Variants in LPIN1 observed in about 807,000 individuals in gnomAD.
LPIN1 encodes phosphatidate phosphatase LPIN1.
Under a neutral mutation model 107.5 loss-of-function variants are expected in LPIN1, and 71 were observed. The ratio of observed to expected loss-of-function variants is 0.66; its 90% confidence interval spans 0.55 to 0.80. The LOEUF is 0.80. LPIN1 is among the 30% of genes least tolerant of loss of function. The pLI is 0.00. For synonymous variants in LPIN1, 445 were observed against 452.6 expected, an observed-to-expected ratio of 0.98 and a Z score of 0.21; for missense variants, 1,043 against 1,160.6, an observed-to-expected ratio of 0.90 and a Z score of 1.47.
At chr2:11,750,093 C>T (rs184216359) in intron 1 of LPIN1, among the ~76,000 whole-genome samples, 118 of 152,316 alleles carry the variant, frequency 7.7e-4, no homozygotes, top group African/African-American at 2.8e-3. Flanking sequence ...CTCCCCTCCC[C>T]GGCCTCGCTC....
chr2:11,681,931 G>A (rs1032242480), intron 1 of LPIN1, among the ~76,000 whole-genome samples: 1 of 152,180 alleles, frequency 6.6e-6, no homozygotes, highest in Non-Finnish European at 1.5e-5. Context: ...GACGGTGGCC[G>A]GGTGTGGAGA....
At chr2:11,785,519 C>T (rs1674405190) in intron 10 of LPIN1, among the ~76,000 whole-genome samples, 1 of 152,196 alleles carries the variant, frequency 6.6e-6, no homozygotes, top group African/African-American at 2.4e-5. Context: ...ATTCACAGCA[C>T]CTGCCACATT....
intron 1 of LPIN1, among the ~76,000 whole-genome samples, chr2:11,725,636 A>T (rs750444944): frequency 1.3e-5 from 2 of 152,198 alleles, no homozygotes; most frequent in Non-Finnish European, 2.9e-5. Flanking sequence ...GCAAACACAC[A>T]TTTATAGGAA....
chr2:11,683,677 A>G (rs776326036), intron 1 of LPIN1, among the ~76,000 whole-genome samples: 3 of 152,150 alleles, frequency 2.0e-5, no homozygotes, highest in Admixed American at 6.5e-5. Flanking sequence ...CTTCCCCCCA[A>G]TGCTGTGGTC....
At chr2:11,722,205 C>G (rs1323253306), upstream of LPIN1, 1 of 152,214 alleles carries the variant, frequency 6.6e-6, no homozygotes, top group Non-Finnish European at 1.5e-5. Flanking sequence ...CTGACTTACT[C>G]ATAGGTCCTT....
upstream of LPIN1, chr2:11,722,073 TATGGCTGG>T (rs1664188939): frequency 6.6e-6 from 1 of 152,246 alleles, no homozygotes; most frequent in Middle Eastern, 3.2e-3. Flanking sequence ...TTCATTGATT[TATGGCTGG>T]ATGGAGCATT....
At chr2:11,777,025 CA>C (rs1672778272) in intron 6 of LPIN1, among the ~76,000 whole-genome samples, 1 of 152,168 alleles carries the variant, frequency 6.6e-6, no homozygotes, top group Non-Finnish European at 1.5e-5. Flanking sequence ...TTGGGACTGG[CA>C]AAAATACTGA....
upstream of LPIN1, among the ~76,000 whole-genome samples, chr2:11,719,955 G>A (rs867861150): frequency 3.3e-5 from 5 of 151,978 alleles, no homozygotes; most frequent in Admixed American, 2.0e-4. Flanking sequence ...TTGTATGAAT[G>A]GTGCATTTTG....
intron 1 of LPIN1, among the ~76,000 whole-genome samples, chr2:11,695,904 C>A (rs1662549064): frequency 6.6e-6 from 1 of 152,026 alleles, no homozygotes; most frequent in Non-Finnish European, 1.5e-5. Context: ...ATTTTTTTGA[C>A]CACTATAAAT....
chr2:11,760,008 C>T (rs571429117), intron 1 of LPIN1, among the ~76,000 whole-genome samples: 15 of 136,024 alleles, frequency 1.1e-4, no homozygotes, highest in South Asian at 2.4e-4. Context: ...TCAGACGGGG[C>T]GGCCGGGCAG....
chr2:11,776,272 C>T, intron 6 of LPIN1, 79 bp downstream of exon 6: 2 of 847,734 alleles, frequency 2.4e-6, no homozygotes, highest in Non-Finnish European at 3.6e-6. Flanking sequence ...GTCTATTTTA[C>T]CATTAACCAA....
chr2:11,779,701 A>G (rs575107678), intron 7 of LPIN1, 56 bp downstream of exon 7: 3 of 1,609,338 alleles, frequency 1.9e-6, no homozygotes, highest in African/African-American at 2.7e-5. Flanking sequence ...AGCTTAAATT[A>G]CATGGAATTA....
upstream of LPIN1, among the ~76,000 whole-genome samples, chr2:11,746,358 G>A (rs767066148): frequency 6.6e-6 from 1 of 152,178 alleles, no homozygotes; most frequent in Non-Finnish European, 1.5e-5. Flanking sequence ...CCAGTCATCG[G>A]CATAGGTCAA....
intron 1 of LPIN1, among the ~76,000 whole-genome samples, chr2:11,683,754 GT>G (rs960414934): frequency 2.0e-5 from 3 of 152,194 alleles, no homozygotes; most frequent in Admixed American, 6.5e-5. Flanking sequence ...GACGGCTGGT[GT>G]TTATGTGAAC....
chr2:11,702,444 A>C (rs1260964849), intron 1 of LPIN1, among the ~76,000 whole-genome samples: 2 of 152,066 alleles, frequency 1.3e-5, no homozygotes. Flanking sequence ...TGAAAGGTGC[A>C]CTCACAGACA....
In LPIN1 at chr2:11,803,078, G is replaced by T; in HGVS notation, c.2013+45G>T. 6.2e-7 allele frequency: 1 copy of T among 1,610,384 alleles called. No homozygotes were observed. The highest frequency in any genetic ancestry group is 8.5e-7 in the Non-Finnish European group (1 of 1,179,816). ...CGCGGCTGTGTTGTGAGCACATGAGGTTTCTGCAGACTCCTAAGGCTGTGT... is the reference window on the plus strand; with the variant it reads ...CGCGGCTGTGTTGTGAGCACATGAGTTTTCTGCAGACTCCTAAGGCTGTGT... On this transcript the variant is annotated intron_variant, in intron 15 of 20. Transcript: ENST00000674199. The surrounding 1 kb of genome is among the most constrained non-coding windows in gnomAD (Gnocchi z 4.2).
chr2:11,713,458 A>G (rs1041708908), intron 1 of LPIN1, among the ~76,000 whole-genome samples: 5 of 152,158 alleles, frequency 3.3e-5, no homozygotes, highest in African/African-American at 1.2e-4. Context: ...TTTAGTAGAG[A>G]CAGGGTTTTG....
chr2:11,730,467 A>G (rs1665081414), intron 1 of LPIN1, among the ~76,000 whole-genome samples: 1 of 152,232 alleles, frequency 6.6e-6, no homozygotes, highest in Non-Finnish European at 1.5e-5. Context: ...TCTTTTAAAA[A>G]GTCCATGTCT....
intron 2 of LPIN1, among the ~76,000 whole-genome samples, chr2:11,717,434 G>T (rs772111120): frequency 1.3e-5 from 2 of 152,038 alleles, no homozygotes; most frequent in Non-Finnish European, 2.9e-5. Context: ...GTTTTTCCTG[G>T]AGGTTATATT....
Sources: allele counts gnomAD v4.1 joint callset (sites outside exome capture counted in the v4.1 genomes callset), GRCh38; gene constraint gnomAD v4.1.1; non-coding constraint Gnocchi (gnomAD v3.1); transcripts MANE v1.5; gene names NCBI Gene and HGNC (gene_info 2026-07-23, HGNC 2026-07-21).